Variants in AGBL4 observed in about 807,000 individuals in gnomAD.
The protein encoded by AGBL4 is cytosolic carboxypeptidase 6.
AGBL4 carries 58 observed loss-of-function variants against 66.4 expected under a neutral mutation model. That is an observed-to-expected ratio of 0.87 (90% CI 0.71 to 1.09). AGBL4 has a LOEUF of 1.09. Among genes scored for constraint, AGBL4 ranks in the 50% least tolerant of loss-of-function variants. The probability of loss-of-function intolerance (pLI) is 0.00; values close to 1 mark genes in which losing one functional copy is unlikely to be tolerated. For missense variants in AGBL4, 579 were observed against 631.0 expected (o/e 0.92, Z 0.88); for synonymous variants, 234 against 222.9 (o/e 1.05, Z -0.44).
At chr1:48,758,191 G>A (rs147700602) in intron 6 of AGBL4, among the ~76,000 whole-genome samples, 82 of 152,308 alleles carry the variant, frequency 5.4e-4, no homozygotes, top group African/African-American at 1.7e-3. Context: ...CTAAGGTCAT[G>A]TGCCTCCCTG....
In AGBL4 at chr1:49,427,138, C is replaced by G. The variant is rs376441244; in HGVS notation, c.283-181274G>C. ...CAAGCAGAAGGAAAGAAAGAAAAAA[C>G]ATTGATTGAGCACCAATAGTACTTG... is the stretch of plus-strand genomic sequence containing the variant. On this transcript the variant is annotated intron_variant, in intron 3 of 13. Transcript: ENST00000371839. Among the ~76,000 whole-genome samples, 7 of 152,046 alleles carry G rather than the reference C, an allele frequency of 4.6e-5. No individual in the cohort carries two copies. The East Asian group carries it at 1.4e-3, about 30-fold the overall frequency.
intron 9 of AGBL4, among the ~76,000 whole-genome samples, chr1:48,607,083 C>T (rs1326340258): frequency 1.3e-5 from 2 of 152,044 alleles, no homozygotes; most frequent in Non-Finnish European, 2.9e-5. Flanking sequence ...TGTCCAAGTG[C>T]CTGAAACATA....
chr1:49,736,599 C>A (rs1234011973), intron 2 of AGBL4, among the ~76,000 whole-genome samples: 1 of 152,050 alleles, frequency 6.6e-6, no homozygotes, highest in Non-Finnish European at 1.5e-5. Context: ...GTGTCGACAT[C>A]AACCTTGACA....
At chr1:49,946,457 T>A (rs185171996) in intron 1 of AGBL4, among the ~76,000 whole-genome samples, 2 of 152,100 alleles carry the variant, frequency 1.3e-5, no homozygotes, top group Admixed American at 1.3e-4. Context: ...TCCTGAATGA[T>A]CATTGAGTCA....
intron 2 of AGBL4, among the ~76,000 whole-genome samples, chr1:49,785,257 T>C (rs1475411944): frequency 6.6e-6 from 1 of 151,944 alleles, no homozygotes; most frequent in African/African-American, 2.4e-5. Flanking sequence ...TTTCAATATC[T>C]ATCCCACAGC....
chr1:49,165,125 G>A (rs72684807), intron 4 of AGBL4, among the ~76,000 whole-genome samples: 6,993 of 152,180 alleles, frequency 0.046, 240 homozygotes, highest in Non-Finnish European at 0.066. Context: ...TAAGCATTTG[G>A]TGAGGTCTAG....
intron 6 of AGBL4, among the ~76,000 whole-genome samples, chr1:48,694,439 A>C (rs960279202): frequency 2.6e-5 from 4 of 152,236 alleles, no homozygotes; most frequent in African/African-American, 9.6e-5. Context: ...GTTCTTGATC[A>C]CAAAATGGGG....
At chr1:48,829,883 T>C (rs1646510966) in intron 6 of AGBL4, among the ~76,000 whole-genome samples, 1 of 152,168 alleles carries the variant, frequency 6.6e-6, no homozygotes, top group African/African-American at 2.4e-5. Flanking sequence ...AAATACATTT[T>C]TTTTCATAAA....
chr1:49,339,686 A>T (rs1208458498), intron 3 of AGBL4, among the ~76,000 whole-genome samples: 1 of 152,216 alleles, frequency 6.6e-6, no homozygotes, highest in Non-Finnish European at 1.5e-5. Context: ...TCCTGTTGAT[A>T]TATTTTACAT....
At chr1:49,831,092 C>T (rs1645660823) in intron 2 of AGBL4, among the ~76,000 whole-genome samples, 2 of 151,936 alleles carry the variant, frequency 1.3e-5, no homozygotes, top group East Asian at 1.9e-4. Flanking sequence ...GCTATGCAGA[C>T]TTTTTTTTGG....
At chr1:49,004,903 C>G (rs1661661241) in intron 5 of AGBL4, among the ~76,000 whole-genome samples, 1 of 152,082 alleles carries the variant, frequency 6.6e-6, no homozygotes, top group Non-Finnish European at 1.5e-5. Flanking sequence ...GTATAGCATG[C>G]CTGGTGACGT....
rs1320351792 is a variant in AGBL4 at position 49,844,753 on chromosome 1, T to TCCAACAATG, written c.157+6634_157+6642dup. 13 of 1,594,262 alleles carry TCCAACAATG rather than the reference T, an allele frequency of 8.2e-6. No homozygotes were observed. The East Asian group carries it at 2.9e-4, about 36-fold the overall frequency. On this transcript the variant is annotated intron_variant, in intron 2 of 13. Coordinates refer to ENST00000371839, the MANE Select transcript of AGBL4 (RefSeq NM_032785.4). ...AAAGCAACGTATCTCTGAAGAAATATCCAACAATGTCATCTTGGTAGAAAG... is the reference window on the plus strand; with the variant it reads ...AAAGCAACGTATCTCTGAAGAAATATCCAACAATGCCAACAATGTCATCTTGGTAGAAAG...
At chr1:49,452,707 C>T (rs976550815) in intron 3 of AGBL4, among the ~76,000 whole-genome samples, 2 of 151,900 alleles carry the variant, frequency 1.3e-5, no homozygotes, top group African/African-American at 2.4e-5. Context: ...TAGCACTTCT[C>T]ACATAAAACA....
intron 3 of AGBL4, among the ~76,000 whole-genome samples, chr1:49,578,976 G>T (rs553488446): frequency 1.3e-5 from 2 of 152,148 alleles, no homozygotes; most frequent in South Asian, 4.1e-4. Context: ...AATTGGGTGG[G>T]TGCCATCTAA....
intron 1 of AGBL4, among the ~76,000 whole-genome samples, chr1:49,867,202 C>T (rs1309259498): frequency 2.6e-5 from 4 of 151,938 alleles, no homozygotes; most frequent in Middle Eastern, 3.2e-3. Context: ...CTTTGGCATC[C>T]GTGGACTCTT....
intron 5 of AGBL4, among the ~76,000 whole-genome samples, chr1:48,869,970 A>T (rs1199949119): frequency 1.3e-5 from 2 of 152,102 alleles, no homozygotes; most frequent in Non-Finnish European, 2.9e-5. Flanking sequence ...CAACTGAACT[A>T]GTCCCCAAAT....
chr1:48,588,777 T>G (rs575202075), intron 10 of AGBL4, among the ~76,000 whole-genome samples: 37 of 143,352 alleles, frequency 2.6e-4, no homozygotes, highest in Admixed American at 2.2e-3. Context: ...CTCTCCTGTT[T>G]TAGAGTTGGG....
intron 3 of AGBL4, among the ~76,000 whole-genome samples, chr1:49,615,243 C>T (rs1172188415): frequency 2.0e-5 from 3 of 152,094 alleles, no homozygotes; most frequent in Admixed American, 2.0e-4. Flanking sequence ...GTATAAATCT[C>T]CTGACAGACT....
chr1:49,318,389 T>C lies in AGBL4; in HGVS notation c.283-72525A>G, dbSNP rs899764881. Among the ~76,000 whole-genome samples, 39 of 108,696 alleles carry C rather than the reference T, an allele frequency of 3.6e-4. 2 individuals carry two copies. The highest frequency in any genetic ancestry group is 2.0e-3 in the Admixed American group (22 of 11,034). 71.3% of individuals were successfully genotyped at this position (108,696 alleles called of 152,430 possible). On this transcript the variant is annotated intron_variant, in intron 3 of 13. Transcript: ENST00000371839. ...ACATACGGGAATATTTAAATGCAGA[T>C]GATGATGATGATGATGATGATGATG...
Sources: allele counts gnomAD v4.1 joint callset (sites outside exome capture counted in the v4.1 genomes callset), GRCh38; gene constraint gnomAD v4.1.1; transcripts MANE v1.5; gene names NCBI Gene and HGNC (gene_info 2026-07-23, HGNC 2026-07-21).